The following ST18 variants were observed in gnomAD, a reference collection of about 807,000 sequenced individuals.
ST18 encodes suppression of tumorigenicity 18 protein.
Under a neutral mutation model 110.0 loss-of-function variants are expected in ST18, and 50 were observed. The ratio of observed to expected loss-of-function variants is 0.45; its 90% CI spans 0.36 to 0.58. ST18 has a LOEUF of 0.58. Ranked by LOEUF, ST18 falls within the 20% of genes least tolerant of loss-of-function variation. The pLI, the probability that ST18 is intolerant of heterozygous loss-of-function variation, is 0.00. For synonymous variants in ST18, 461 were observed against 452.4 expected (o/e 1.02, Z -0.24); for missense variants, 1,306 against 1,280.1 (o/e 1.02, Z -0.31).
intron 2 of ST18, among the ~76,000 whole-genome samples, chr8:52,378,870 C>A (rs1184836941): frequency 6.6e-6 from 1 of 152,110 alleles, no homozygotes; most frequent in Non-Finnish European, 1.5e-5. Context: ...TTGATCTCAT[C>A]AAACATTGTC....
chr8:52,168,878 G>A (rs1435140778), intron 10 of ST18, among the ~76,000 whole-genome samples: 3 of 152,170 alleles, frequency 2.0e-5, no homozygotes, highest in Non-Finnish European at 4.4e-5. Flanking sequence ...GGGGAACTGA[G>A]GGGAGCTGAC....
intron 17 of ST18, among the ~76,000 whole-genome samples, chr8:52,139,848 C>T (rs187316629): frequency 1.8e-4 from 28 of 152,108 alleles, no homozygotes; most frequent in Non-Finnish European, 3.4e-4. Context: ...CAACATTATA[C>T]GGGGGAAAGT....
intron 15 of ST18, among the ~76,000 whole-genome samples, chr8:52,158,469 T>G (rs2060555379): frequency 6.6e-6 from 1 of 152,248 alleles, no homozygotes; most frequent in Non-Finnish European, 1.5e-5. Flanking sequence ...ATTTTGCAAA[T>G]GTTTCACAAG....
Position 52,367,234 on chromosome 8 carries a change from T to TCACA in ST18, c.-465+42093_-465+42094insTGTG, listed in dbSNP as rs1491543543. Among the ~76,000 whole-genome samples, 831 of 104,522 alleles carry TCACA rather than the reference T, an allele frequency of 8.0e-3. 8 individuals are homozygous for TCACA. Among genetic ancestry groups the TCACA allele is most frequent in the Non-Finnish European group, 0.011 (590 of 52,104 alleles). The allele number at this position is 104,522 out of a possible 152,430, so 68.6% of individuals were successfully genotyped here. A position where few individuals can be genotyped will look rare whatever the true frequency, so the allele number is the denominator to read the frequency against. On this transcript the variant is annotated intron_variant, in intron 2 of 25. Transcript: ENST00000689386. The stretch of plus-strand genomic sequence containing the variant: ...GCCTGGGTGACAGAGCGGGACCCTG[T>TCACA]CTCACACACACACACACACACACAC...
chr8:52,398,300 T>C (rs1841844784), intron 2 of ST18, among the ~76,000 whole-genome samples: 1 of 152,192 alleles, frequency 6.6e-6, no homozygotes. Flanking sequence ...ATTCATTTAT[T>C]AGTTTTAAGA....
chr8:52,126,271 G>A, intron 22 of ST18, 131 bp from the exon 23 acceptor site: 1 of 862,912 alleles, frequency 1.2e-6, no homozygotes. Context: ...CAGTCTCTTT[G>A]TAGAGAGTAA....
At chr8:52,322,213 C>A (rs554160909) in intron 2 of ST18, among the ~76,000 whole-genome samples, 3 of 152,280 alleles carry the variant, frequency 2.0e-5, no homozygotes, top group Admixed American at 2.0e-4. Flanking sequence ...GGAGTCTTGG[C>A]AACCCATGAG....
intron 8 of ST18, among the ~76,000 whole-genome samples, chr8:52,191,784 G>A (rs2074581079): frequency 6.6e-6 from 1 of 152,082 alleles, no homozygotes; most frequent in South Asian, 2.1e-4. Flanking sequence ...AAGTGCCTGA[G>A]GTAAGAAAAT....
chr8:52,181,874 T>A (rs1346957028), intron 8 of ST18, among the ~76,000 whole-genome samples: 3 of 151,886 alleles, frequency 2.0e-5, no homozygotes, highest in Non-Finnish European at 2.9e-5. Context: ...GAGACTGGCT[T>A]TGAGGGGCTG....
intron 2 of ST18, among the ~76,000 whole-genome samples, chr8:52,251,425 C>T (rs757017766): frequency 6.6e-6 from 1 of 152,034 alleles, no homozygotes; most frequent in Non-Finnish European, 1.5e-5. Flanking sequence ...CCCATATACA[C>T]ATACACAAAA....
chr8:52,408,301 G>A (rs866865736), intron 2 of ST18, among the ~76,000 whole-genome samples: 15 of 152,328 alleles, frequency 9.8e-5, no homozygotes, highest in Middle Eastern at 6.8e-3. Context: ...TAATTTGACA[G>A]CAATTTATCT....
At chr8:52,154,287 C>T (rs1234522688) in intron 15 of ST18, 5 of 152,236 alleles carry the variant, frequency 3.3e-5, no homozygotes, top group Admixed American at 1.3e-4. Context: ...GGTGCCACAT[C>T]ATGTTATTTC....
At position 52,250,445 on chromosome 8, in the gene ST18, CAAAA is replaced by C. The variant is rs1159770176; in HGVS notation, c.-464-20372_-464-20369del. On this transcript the variant is annotated intron_variant, in intron 2 of 25. Coordinates refer to ENST00000689386, the MANE Select transcript of ST18 (RefSeq NM_001352837.2). ...TGACACTGTGGAAGAGCCTCAAAGG[CAAAA>C]AAAAAAAAAAAAAAAAAAAAAAAAA... 7.0e-4 allele frequency among the ~76,000 whole-genome samples: 3 copies of C among 4,270 alleles called. No homozygotes were observed. The Admixed American group carries it at 0.012, about 17-fold the overall frequency. 2.8% of individuals were successfully genotyped at this position (4,270 alleles called of 152,430 possible).
chr8:52,197,889 G>GCACACACACACACACA (rs57662247), intron 8 of ST18, among the ~76,000 whole-genome samples: 15 of 150,150 alleles, frequency 1.0e-4, no homozygotes, highest in Admixed American at 8.6e-4. Context: ...AACAAAATGA[G>GCACACACACACACACA]CACACACACA....
At chr8:52,393,330 A>G (rs1032601803) in intron 2 of ST18, among the ~76,000 whole-genome samples, 8 of 152,218 alleles carry the variant, frequency 5.3e-5, no homozygotes, top group Admixed American at 2.0e-4. Flanking sequence ...AGTTCACAAC[A>G]GGCGAGAGAA....
intron 2 of ST18, among the ~76,000 whole-genome samples, chr8:52,332,809 C>T (rs1810218762): frequency 6.6e-6 from 1 of 152,028 alleles, no homozygotes; most frequent in South Asian, 2.1e-4. Flanking sequence ...CGAGATTGTG[C>T]CACTGCATTC....
rs1262569260 is a variant in ST18 at position 52,172,323 on chromosome 8, C to T, written c.538G>A (p.Asp180Asn). Residue 180 changes from aspartate to asparagine, a missense_variant, in exon 10 of 26, where the codon GAT (aspartate) becomes AAT (asparagine). Physicochemically the swap from Asp to Asn is conservative, Grantham distance 23. Transcript: ENST00000689386. ...IHSDDGRDKI[D>N]DSQPPFCSSD... is the part of the protein sequence containing the mutation. ...GAGCAGAAGGGTGGCTGAGAATCATCAATCTTGTCTCTTCCATCATCAGAA... is the reference window on the plus strand; with the variant it reads ...GAGCAGAAGGGTGGCTGAGAATCATTAATCTTGTCTCTTCCATCATCAGAA... The T allele has an allele frequency of 1.2e-6, 2 of 1,614,074 alleles. No individual in the cohort carries two copies. The highest frequency in any genetic ancestry group is 2.7e-5 in the African/African-American group (2 of 74,938).
At chr8:52,398,054 T>C (rs1243777331) in intron 2 of ST18, among the ~76,000 whole-genome samples, 2 of 152,178 alleles carry the variant, frequency 1.3e-5, no homozygotes, top group African/African-American at 4.8e-5. Context: ...ATCTTAACAA[T>C]ATTAGTTCTT....
intron 2 of ST18, among the ~76,000 whole-genome samples, chr8:52,353,798 T>C (rs1192679636): frequency 6.6e-6 from 1 of 152,236 alleles, no homozygotes. Flanking sequence ...GTTCAGTGAA[T>C]GTCAATTTCT....
Sources: allele counts gnomAD v4.1 joint callset (sites outside exome capture counted in the v4.1 genomes callset), GRCh38; gene constraint gnomAD v4.1.1; transcripts MANE v1.5; gene names NCBI Gene and HGNC (gene_info 2026-07-23, HGNC 2026-07-21).